The following PRAME variants were observed in gnomAD, a reference collection of about 807,000 sequenced individuals.
The protein encoded by PRAME is melanoma antigen preferentially expressed in tumors.
A neutral mutation model predicts 32.1 loss-of-function variants in PRAME; 21 were observed. The observed-to-expected ratio is 0.65, with a 90% CI of 0.46 to 0.94. The LOEUF (loss-of-function observed/expected upper bound fraction) is 0.94. PRAME is among the 40% of genes least tolerant of loss of function. The probability of loss-of-function intolerance (pLI) is 0.00; values close to 1 mark genes in which losing one functional copy is unlikely to be tolerated. For synonymous variants in PRAME, 274 were observed against 251.5 expected (o/e 1.09, Z -0.85); for missense variants, 651 against 622.3 (o/e 1.05, Z -0.49).
At position 22,549,613 on chromosome 22, in the gene PRAME, G is replaced by A. The variant is rs558609117; in HGVS notation, c.953+113C>T. The stretch of plus-strand genomic sequence containing the variant: ...TGAACAAGACGTGTTAACTGGTAGT[G>A]ACTTGCTCACTCTTGCATTATTGGT... On this transcript the variant is annotated intron_variant, in intron 5 of 5. Transcript: ENST00000405655. The A allele has an allele frequency of 5.1e-5, 70 of 1,360,090 alleles. No homozygotes were observed. In the African/African-American group the frequency reaches 9.4e-4, roughly 18 times the overall value. 84.3% of individuals were successfully genotyped at this position (1,360,090 alleles called of 1,614,324 possible).
chr22:22,556,342 C>T (rs1353012346), intron 3 of PRAME, among the ~76,000 whole-genome samples: 1 of 151,516 alleles, frequency 6.6e-6, no homozygotes, highest in Non-Finnish European at 1.5e-5. Flanking sequence ...GACGGAGTCT[C>T]GCTCTGTCGC....
chr22:22,552,182 AAAAG>A (rs2062622144), intron 3 of PRAME, among the ~76,000 whole-genome samples: 1 of 151,504 alleles, frequency 6.6e-6, no homozygotes, highest in African/African-American at 2.4e-5. Context: ...TCTGAAAAGA[AAAAG>A]AAAAAAATCT....
rs1325815019 is a variant in PRAME at position 22,550,900 on chromosome 22, C to A, written c.211G>T (p.Ala71Ser). The A allele has an allele frequency of 6.2e-7, 1 of 1,613,780 alleles. No homozygotes were observed. The highest frequency in any genetic ancestry group is 1.7e-5 in the Admixed American group (1 of 59,970). The change falls in exon 4 of 6, where the codon GCA (alanine) becomes TCA (serine). Residue 71 changes from alanine (A) to serine (S), a missense_variant. By Grantham distance (99) the Ala-to-Ser change is moderately conservative (BLOSUM62 1). Transcript: ENST00000405655. ...FDGRHSQTLKAMVQAWPFTCL... is the reference protein window; with the variant it reads ...FDGRHSQTLKSMVQAWPFTCL... ...GTGAAGGGCCAGGCCTGCACCATTG[C>A]CTTCAGGGTCTGGCTGTGTCTCCCG... is the stretch of plus-strand genomic sequence containing the variant.
chr22:22,554,732 G>C (rs1257224543), intron 3 of PRAME, among the ~76,000 whole-genome samples: 1 of 151,924 alleles, frequency 6.6e-6, no homozygotes, highest in East Asian at 2.0e-4. Context: ...GAGGAGTTTA[G>C]AAAGAGTTTC....
rs2062341642 is a variant in PRAME at position 22,547,962 on chromosome 22, G to C, written c.*105C>G. ...TGAACATGTTTTCCTCACTCACACT[G>C]AACATTTGTCTGAAACTGTGGCTGC... On this transcript the variant is annotated 3_prime_UTR_variant, in exon 6 of 6. Transcript: ENST00000405655. 3 of 1,244,160 alleles carry C rather than the reference G, an allele frequency of 2.4e-6. No individual in the cohort carries two copies. Among genetic ancestry groups the C allele is most frequent in the African/African-American group, 3.0e-5 (2 of 66,414 alleles). 77.1% of individuals were successfully genotyped at this position (1,244,160 alleles called of 1,614,324 possible). A position where few individuals can be genotyped will look rare whatever the true frequency, so the allele number is the denominator to read the frequency against.
chr22:22,556,930 G>T, intron 2 of PRAME, 21 bp from the exon 3 acceptor site: 3 of 1,465,532 alleles, frequency 2.0e-6, no homozygotes, highest in Middle Eastern at 1.7e-4. Flanking sequence ...TAATCAAAAT[G>T]CTCCAAAAAG....
At chr22:22,553,833 C>G in intron 3 of PRAME, 1 of 985,184 alleles carries the variant, frequency 1.0e-6, no homozygotes, top group African/African-American at 1.7e-5. Flanking sequence ...AGAAGACCTT[C>G]TCTTTATGGT....
chr22:22,550,437 C>T, intron 4 of PRAME, 103 bp from the exon 5 acceptor site: 2 of 1,409,282 alleles, frequency 1.4e-6, no homozygotes, highest in Admixed American at 4.4e-5. Flanking sequence ...AGACATCCAC[C>T]TTAGATCTGC....
At chr22:22,556,692 C>T in intron 3 of PRAME, 120 bp downstream of exon 3, 1 of 1,197,232 alleles carries the variant, frequency 8.4e-7, no homozygotes, top group Non-Finnish European at 1.2e-6. Flanking sequence ...AAAAGCGGCT[C>T]CTGCCTCTTC....
intron 2 of PRAME, chr22:22,557,307 G>A (rs58072714): frequency 0.012 from 2,293 of 185,620 alleles, 58 homozygotes; most frequent in African/African-American, 0.051. Context: ...CCACCCTGGA[G>A]AGCTCCAACC....
chr22:22,549,595 G>A (rs566173676), intron 5 of PRAME, 131 bp downstream of exon 5: 1 of 1,210,548 alleles, frequency 8.3e-7, no homozygotes, highest in East Asian at 2.5e-5. Flanking sequence ...TGGTGAACAA[G>A]ACGTGTTAAC....
chr22:22,553,392 G>C (rs16989550), intron 3 of PRAME, among the ~76,000 whole-genome samples: 3,873 of 152,048 alleles, frequency 0.025, 155 homozygotes, highest in African/African-American at 0.089. Flanking sequence ...CAGAAGTAAG[G>C]CTGGGCATTT....
intron 3 of PRAME, among the ~76,000 whole-genome samples, chr22:22,555,095 G>A (rs1052923090): frequency 6.6e-6 from 1 of 151,926 alleles, no homozygotes; most frequent in Admixed American, 6.6e-5. Flanking sequence ...ATGACTCCTA[G>A]GGTCCAGACA....
chr22:22,549,501 G>A (rs1289066843), intron 5 of PRAME, among the ~76,000 whole-genome samples: 4 of 151,964 alleles, frequency 2.6e-5, no homozygotes, highest in Non-Finnish European at 5.9e-5. Context: ...TTTCTAACAA[G>A]GAGTCACTGT....
intron 1 of PRAME, 77 bp from the exon 2 acceptor site, chr22:22,557,657 A>G (rs112279614): frequency 0.87 from 112,190 of 128,300 alleles, 49,229 homozygotes; most frequent in East Asian, 0.95. Context: ...GGCGGTGGGG[A>G]CCGGGGGGCT....
At chr22:22,554,736 G>A (rs989382016) in intron 3 of PRAME, among the ~76,000 whole-genome samples, 2 of 151,920 alleles carry the variant, frequency 1.3e-5, no homozygotes, top group Non-Finnish European at 2.9e-5. Context: ...AGTTTAGAAA[G>A]AGTTTCATTT....
chr22:22,553,151 C>T (rs1315837119), intron 3 of PRAME, among the ~76,000 whole-genome samples: 1 of 151,840 alleles, frequency 6.6e-6, no homozygotes, highest in Non-Finnish European at 1.5e-5. Flanking sequence ...CCAAATAGTC[C>T]AGTTAAGATA....
chr22:22,550,794 A>ACATCAAGTC lies in PRAME; in HGVS notation c.308_316dup (p.Gly103_Asp105dup). ...GGGGCGAACCTCCTGGGCAAGGAGC[A>ACATCAAGTC]CATCAAGTCCATCAAGCACAGCTTT... On this transcript the variant is annotated inframe_insertion, in exon 4 of 6. Coordinates refer to ENST00000405655, the MANE Select transcript of PRAME (RefSeq NM_206956.3). 1 of 1,598,744 alleles carries ACATCAAGTC rather than the reference A, an allele frequency of 6.3e-7. No individual in the cohort carries two copies. The highest frequency in any genetic ancestry group is 1.7e-4 in the Middle Eastern group (1 of 5,960).
At position 22,553,988 on chromosome 22, in the gene PRAME, G is replaced by A. The variant is rs914524298; in HGVS notation, c.21+2824C>T. The A allele has an allele frequency of 2.8e-5, 28 of 985,032 alleles. No individual in the cohort carries two copies. In the African/African-American group the frequency reaches 4.9e-4, roughly 17 times the overall value. The allele number at this position is 985,032 out of a possible 1,614,324, so 61.0% of individuals were successfully genotyped here. The stretch of plus-strand genomic sequence containing the variant: ...AACAGCTGTTCTTTCTTGCCCCTAA[G>A]CTGCTCAGGTACAGAGATTCTGGTC... On this transcript the variant is annotated intron_variant, in intron 3 of 5. Coordinates refer to ENST00000405655, the MANE Select transcript of PRAME (RefSeq NM_206956.3).
Sources: allele counts gnomAD v4.1 joint callset (sites outside exome capture counted in the v4.1 genomes callset), GRCh38; gene constraint gnomAD v4.1.1; transcripts MANE v1.5; gene names NCBI Gene and HGNC (gene_info 2026-07-23, HGNC 2026-07-21).